PLEKHG4B: variants seen among roughly 807,000 people sequenced by gnomAD.
The protein encoded by PLEKHG4B is pleckstrin homology domain-containing family G member 4B.
PLEKHG4B carries 111 observed loss-of-function variants against 121.3 expected under a neutral mutation model. The observed-to-expected ratio is 0.92, with a 90% CI of 0.78 to 1.07. The LOEUF is 1.07. PLEKHG4B is among the 50% of genes least tolerant of loss of function. PLEKHG4B has a pLI of 0.00. For missense variants in PLEKHG4B, 1,831 were observed against 1,757.8 expected (o/e 1.04, Z -0.74); for synonymous variants, 738 against 725.0 (o/e 1.02, Z -0.29).
chr5:158,753 C>T (rs1368161272), intron 11 of PLEKHG4B, among the ~76,000 whole-genome samples: 1 of 147,572 alleles, frequency 6.8e-6, no homozygotes, highest in Non-Finnish European at 1.5e-5. Flanking sequence ...TGGGGTGTCT[C>T]CCCCATCTCC....
intron 1 of PLEKHG4B, among the ~76,000 whole-genome samples, chr5:112,524 C>T (rs1734187638): frequency 6.6e-6 from 1 of 152,162 alleles, no homozygotes; most frequent in African/African-American, 2.4e-5. Flanking sequence ...ACTCTAAAAA[C>T]AGCATTACAA....
chr5:170,502 A>T (rs1204951980), intron 14 of PLEKHG4B, among the ~76,000 whole-genome samples: 1 of 152,126 alleles, frequency 6.6e-6, no homozygotes, highest in Admixed American at 6.5e-5. Flanking sequence ...GAGTTTCACC[A>T]TGCTGGCGAG....
chr5:127,340 T>TTTATTATTATTATTA (rs60825083), intron 2 of PLEKHG4B, among the ~76,000 whole-genome samples: 2,281 of 135,532 alleles, frequency 0.017, 45 homozygotes, highest in South Asian at 0.045. Context: ...ATTGTTGGTT[T>TTTATTATTATTATTA]TTATTATTAT....
At chr5:114,511 A>T (rs1469585202) in intron 2 of PLEKHG4B, among the ~76,000 whole-genome samples, 1 of 152,138 alleles carries the variant, frequency 6.6e-6, no homozygotes, top group East Asian at 1.9e-4. Context: ...AGGCTGGAGT[A>T]CAGTGGTGCA....
chr5:167,563 C>A (rs1397163178), intron 13 of PLEKHG4B, among the ~76,000 whole-genome samples: 1 of 150,058 alleles, frequency 6.7e-6, no homozygotes, highest in African/African-American at 2.4e-5. Context: ...TAGGGCAGGG[C>A]CCCCGGCTCA....
At chr5:154,178 G>A (rs1735690367) in intron 7 of PLEKHG4B, among the ~76,000 whole-genome samples, 1 of 151,536 alleles carries the variant, frequency 6.6e-6, no homozygotes, top group African/African-American at 2.4e-5. Flanking sequence ...GCTAATTTTT[G>A]CATTTTTAGT....
intron 1 of PLEKHG4B, among the ~76,000 whole-genome samples, chr5:95,596 C>T (rs1560890052): frequency 6.6e-6 from 1 of 152,196 alleles, no homozygotes; most frequent in Non-Finnish European, 1.5e-5. Flanking sequence ...CCTCCCTTCC[C>T]AGCCTTATTC....
Position 171,357 on chromosome 5 carries a change from C to T in PLEKHG4B, c.3963C>T (p.Gly1321=), listed in dbSNP as rs373079738. The T allele has an allele frequency of 1.4e-4, 219 of 1,611,916 alleles. No individual in the cohort carries two copies. Among genetic ancestry groups the T allele is most frequent in the Non-Finnish European group, 1.7e-4 (204 of 1,179,798 alleles). ...SCGLAQGQEL[G]ELRAAEVVVC... is the part of the protein sequence containing the mutation. ...GCCTGGCCCAGGGGCAGGAGCTGGGCGAGCTCCGAGCCGCCGAGGTCGTGG... is the reference window on the plus strand; with the variant it reads ...GCCTGGCCCAGGGGCAGGAGCTGGGTGAGCTCCGAGCCGCCGAGGTCGTGG... The change falls in exon 16 of 20, where the codon GGC becomes GGT. Residue 1321 remains glycine (G), a synonymous_variant. Transcript: ENST00000637938.
intron 3 of PLEKHG4B, among the ~76,000 whole-genome samples, chr5:141,642 T>C (rs1436053421): frequency 2.0e-5 from 3 of 151,722 alleles, no homozygotes; most frequent in East Asian, 2.0e-4. Flanking sequence ...GAAAATGTGA[T>C]GATTTAAAAG....
At chr5:172,514 G>A (rs1345898179) in intron 16 of PLEKHG4B, among the ~76,000 whole-genome samples, 4 of 152,222 alleles carry the variant, frequency 2.6e-5, no homozygotes, top group Non-Finnish European at 5.9e-5. Context: ...GGGCTTTGAA[G>A]AAGAAAGTTC....
Position 163,185 on chromosome 5 carries a change from C to A in PLEKHG4B, c.3113C>A (p.Ser1038Tyr), listed in dbSNP as rs138837556. 331 of 1,578,814 alleles carry A rather than the reference C, an allele frequency of 2.1e-4. 4 individuals are homozygous for A. The South Asian group carries it at 3.1e-3, about 15-fold the overall frequency. Residue 1038 changes from serine to tyrosine, a missense_variant, in exon 13 of 20, where the codon TCC (serine) becomes TAC (tyrosine). Physicochemically the swap from Ser to Tyr is moderately radical, Grantham distance 144. Coordinates refer to ENST00000637938, the MANE Select transcript of PLEKHG4B (RefSeq NM_052909.5). ...CTGTGTGCTCTGTGGGACCCACTGTCCCTCCTCAGGGGCCTTCCAGGGGCA... is the reference window on the plus strand; with the variant it reads ...CTGTGTGCTCTGTGGGACCCACTGTACCTCCTCAGGGGCCTTCCAGGGGCA... The part of the protein sequence containing the change: ...PGLCALWDPL[S>Y]LLRGLPGAGA...
intron 13 of PLEKHG4B, among the ~76,000 whole-genome samples, chr5:165,109 C>T (rs1314549256): frequency 1.0e-4 from 3 of 28,928 alleles, no homozygotes; most frequent in Admixed American, 2.8e-4. Context: ...AATGCTGTGA[C>T]GGGGCGGAGC....
In PLEKHG4B at chr5:185,718, C is replaced by T. The variant is rs1733603296; in HGVS notation, c.*3395C>T. 1 of 152,584 alleles carries T rather than the reference C, an allele frequency of 6.6e-6. No individual in the cohort carries two copies. The highest frequency in any genetic ancestry group is 2.4e-5 in the African/African-American group (1 of 41,470). 9.5% of individuals were successfully genotyped at this position (152,584 alleles called of 1,614,324 possible). ...GGGCACAGCTTATGCCTGTGGCCAA[C>T]CCACTGGGGAGCAAGGCTGGGGATA... On this transcript the variant is annotated 3_prime_UTR_variant, in exon 20 of 20. Transcript: ENST00000637938.
intron 1 of PLEKHG4B, among the ~76,000 whole-genome samples, chr5:95,848 C>A (rs1376023431): frequency 1.3e-5 from 2 of 152,124 alleles, no homozygotes; most frequent in African/African-American, 4.8e-5. Context: ...AGGGGGATGA[C>A]CCACCTCTCT....
Position 189,326 on chromosome 5 carries a change from C to A in PLEKHG4B, c.*7003C>A, listed in dbSNP as rs1370436715. 6.6e-6 allele frequency: 1 copy of A among 152,484 alleles called. No individual in the cohort carries two copies. The highest frequency in any genetic ancestry group is 1.5e-5 in the Non-Finnish European group (1 of 68,232). 9.4% of individuals were successfully genotyped at this position (152,484 alleles called of 1,614,324 possible). A position where few individuals can be genotyped will look rare whatever the true frequency, so the allele number is the denominator to read the frequency against. On this transcript the variant is annotated 3_prime_UTR_variant, in exon 20 of 20. Transcript: ENST00000637938. ...CCCGTGTCCACCGCCCATGGCCGGG[C>A]TCACAGTGTCTCAGAGCCGTGGTGA...
chr5:113,124 A>G lies in PLEKHG4B; in HGVS notation c.46-127A>G. On this transcript the variant is annotated intron_variant, in intron 1 of 19. Transcript: ENST00000637938. This position sits in a 1 kb window ranked among gnomAD's most constrained non-coding sequence, Gnocchi z 5.2. The stretch of plus-strand genomic sequence containing the variant: ...CTGCACATTTTGTCTTTCTCAGTTA[A>G]CTCACATCATGCCAGACACAGGACA... 1 of 397,840 alleles carries G rather than the reference A, an allele frequency of 2.5e-6. No individual in the cohort carries two copies. The highest frequency in any genetic ancestry group is 4.4e-6 in the Non-Finnish European group (1 of 225,944). 24.6% of individuals were successfully genotyped at this position (397,840 alleles called of 1,614,324 possible).
At chr5:103,419 T>C (rs1733881089) in intron 1 of PLEKHG4B, among the ~76,000 whole-genome samples, 1 of 152,174 alleles carries the variant, frequency 6.6e-6, no homozygotes, top group African/African-American at 2.4e-5. Context: ...GATTCAACCC[T>C]GCAATGATCA....
chr5:93,598 G>C (rs758127004), intron 1 of PLEKHG4B, among the ~76,000 whole-genome samples: 5 of 152,192 alleles, frequency 3.3e-5, no homozygotes, highest in Non-Finnish European at 7.3e-5. Context: ...ACACAGGCTT[G>C]ACCCCGCAGG....
chr5:150,133 T>C (rs1001664432), intron 6 of PLEKHG4B, among the ~76,000 whole-genome samples: 2 of 152,218 alleles, frequency 1.3e-5, no homozygotes, highest in East Asian at 1.9e-4. Flanking sequence ...AACAGATGAA[T>C]GGATAAGCAA....
Sources: gnomAD v4.1 joint callset for allele counts (sites outside exome capture counted in the v4.1 genomes callset) on GRCh38, gnomAD v4.1.1 for gene constraint, Gnocchi (gnomAD v3.1) non-coding constraint, MANE v1.5 for transcripts, NCBI Gene and HGNC (gene_info 2026-07-23, HGNC 2026-07-21) for gene names.